Variants in FAAH2 observed in about 807,000 individuals in gnomAD.
FAAH2 encodes the protein fatty acid amide hydrolase 2, also known as fatty-acid amide hydrolase 2.
FAAH2 carries 60 observed loss-of-function variants against 36.9 expected under a neutral mutation model. The observed-to-expected ratio is 1.63, with a 90% CI of 1.32 to 2.02. The LOEUF (loss-of-function observed/expected upper bound fraction) is 2.02. Among genes scored for constraint, FAAH2 ranks in the 30% most tolerant of loss-of-function variants. FAAH2 has a pLI of 0.00. For missense variants in FAAH2, 689 were observed against 397.5 expected (o/e 1.73, Z -6.23); for synonymous variants, 214 against 143.8 (o/e 1.49, Z -3.49).
chrX:57,411,200 T>C (rs1402425707), intron 7 of FAAH2, among the ~76,000 whole-genome samples: 1 of 112,076 alleles, frequency 8.9e-6, no homozygotes, highest in African/African-American at 3.2e-5. Context: ...GAGTATTGTT[T>C]ACCTTCTCTC....
chrX:57,401,444 C>T (rs770854748), intron 7 of FAAH2, among the ~76,000 whole-genome samples: 1 of 111,760 alleles, frequency 8.9e-6, no homozygotes, highest in Non-Finnish European at 1.9e-5. Context: ...ACTCTGCTTC[C>T]TCTGACATTT....
rs996616506 is a variant in FAAH2, at chrX:57,310,856, G to C, written c.412+127G>C. Reference sequence around the variant, plus strand: ...TCATGCTGCTTCCTCAGTTTGAAATGAGAGGAAATATTCAGCAAGTTCCAT... The same window carrying C: ...TCATGCTGCTTCCTCAGTTTGAAATCAGAGGAAATATTCAGCAAGTTCCAT... On this transcript the variant is annotated intron_variant, in intron 3 of 10. Transcript: ENST00000374900. The C allele has an allele frequency of 9.6e-6, 7 of 728,257 alleles. No homozygotes were observed. In the African/African-American group the frequency reaches 1.3e-4, roughly 14 times the overall value. The allele number at this position is 728,257 out of a possible 1,213,427, so 60.0% of individuals were successfully genotyped here.
the FAAH2 span, among the ~76,000 whole-genome samples, chrX:57,233,796 C>A: frequency 2.7e-5 from 3 of 112,500 alleles, no homozygotes; most frequent in South Asian, 3.7e-4. Context: ...TGCGCCACCA[C>A]GCTGGCTAAT....
At chrX:57,392,528 A>G in intron 7 of FAAH2, 1 of 757,771 alleles carries the variant, frequency 1.3e-6, no homozygotes. Context: ...TTAGTTTCAG[A>G]TCTTCTGGGC....
Position 57,437,723 on chromosome X carries a change from ATAT to A in FAAH2, c.1116+5690_1116+5692del, listed in dbSNP as rs1168762973. 4.5e-3 allele frequency among the ~76,000 whole-genome samples: 375 copies of A among 83,019 alleles called. 1 individual carries two copies. Among genetic ancestry groups the A allele is most frequent in the East Asian group, 0.011 (30 of 2,688 alleles). 72.1% of individuals were successfully genotyped at this position (83,019 alleles called of 115,157 possible). On this transcript the variant is annotated intron_variant, in intron 8 of 10. Transcript: ENST00000374900. ...ACATATAAATATATAACATATTTAT[ATAT>A]TATATATTATATATATTATTTATAT...
At chrX:57,478,463 T>C (rs1323625508) in intron 10 of FAAH2, among the ~76,000 whole-genome samples, 1 of 111,944 alleles carries the variant, frequency 8.9e-6, no homozygotes, top group Non-Finnish European at 1.9e-5. Context: ...GATTGCAGTT[T>C]CTTTTGCTAA....
intron 5 of FAAH2, among the ~76,000 whole-genome samples, chrX:57,371,777 G>A (rs1025607231): frequency 9.0e-6 from 1 of 111,291 alleles, no homozygotes; most frequent in Admixed American, 9.5e-5. Flanking sequence ...TATCTGATAG[G>A]TTTTCACCAT....
intron 5 of FAAH2, among the ~76,000 whole-genome samples, chrX:57,352,931 A>C (rs1328368372): frequency 9.0e-6 from 1 of 110,637 alleles, no homozygotes; most frequent in Non-Finnish European, 1.9e-5. Context: ...AAAACTACAA[A>C]ACACAGATAA....
At chrX:57,323,370 A>G (rs974058093) in intron 3 of FAAH2, among the ~76,000 whole-genome samples, 1 of 111,504 alleles carries the variant, frequency 9.0e-6, no homozygotes, top group African/African-American at 3.3e-5. Context: ...GGCTGGGTCA[A>G]ATGGTATTTC....
chrX:57,303,933 G>A (rs571303572), intron 2 of FAAH2, among the ~76,000 whole-genome samples: 8 of 111,833 alleles, frequency 7.2e-5, no homozygotes, highest in South Asian at 3.7e-4. Context: ...CTGGCTGGGC[G>A]CGGTGGCTCA....
At chrX:57,344,378 G>T (rs1339672964) in intron 5 of FAAH2, among the ~76,000 whole-genome samples, 3 of 110,918 alleles carry the variant, frequency 2.7e-5, no homozygotes, top group East Asian at 2.8e-4. Flanking sequence ...TTGTAAATGG[G>T]ATTGCATTTT....
intron 5 of FAAH2, among the ~76,000 whole-genome samples, chrX:57,357,030 A>G (rs958567053): frequency 4.8e-4 from 53 of 111,137 alleles, no homozygotes; most frequent in East Asian, 5.6e-4. Flanking sequence ...ATGAGTGAAA[A>G]CATGTGATGT....
chrX:57,408,182 T>C (rs1452875633), intron 7 of FAAH2, among the ~76,000 whole-genome samples: 1 of 111,378 alleles, frequency 9.0e-6, no homozygotes, highest in Admixed American at 9.6e-5. Context: ...TTATCTTTTC[T>C]ATTTATGTAA....
In FAAH2 at chrX:57,395,359, C is replaced by A. The variant is rs182829128; in HGVS notation, c.996+14330C>A. On this transcript the variant is annotated intron_variant, in intron 7 of 10. Transcript: ENST00000374900. ...GAGTGACTTGATTCTTCAGTCTCGC[C>A]CTTATTTGTGCGGAGATCTCCTTCC... 1.5e-4 allele frequency: 104 copies of A among 691,795 alleles called. No homozygotes were observed. The East Asian group carries it at 3.9e-3, about 26-fold the overall frequency. The allele number at this position is 691,795 out of a possible 1,213,427, so 57.0% of individuals were successfully genotyped here.
At chrX:57,124,723 C>G in the FAAH2 span, among the ~76,000 whole-genome samples, 1 of 111,461 alleles carries the variant, frequency 9.0e-6, no homozygotes, top group Admixed American at 9.5e-5. Flanking sequence ...CCTTCACATC[C>G]CTTGTAAGTT....
At chrX:57,187,244 T>A in the FAAH2 span, among the ~76,000 whole-genome samples, 1 of 111,245 alleles carries the variant, frequency 9.0e-6, no homozygotes, top group Non-Finnish European at 1.9e-5. Context: ...TCTTGAGCAG[T>A]GGAGTGGTTT....
At chrX:57,282,537 C>T, upstream of FAAH2, among the ~76,000 whole-genome samples, 1 of 111,883 alleles carries the variant, frequency 8.9e-6, no homozygotes, top group Non-Finnish European at 1.9e-5. Flanking sequence ...TTCATTCTTT[C>T]TGTGTGGGTT....
the FAAH2 span, among the ~76,000 whole-genome samples, chrX:57,224,558 C>T: frequency 9.2e-3 from 1,028 of 111,297 alleles, 15 homozygotes; most frequent in African/African-American, 0.032. Context: ...CAGCAGCGTG[C>T]GCCGGCAAGA....
intron 2 of FAAH2, among the ~76,000 whole-genome samples, chrX:57,302,683 C>A (rs747193849): frequency 9.0e-6 from 1 of 111,273 alleles, no homozygotes; most frequent in Non-Finnish European, 1.9e-5. Flanking sequence ...ATTTCGCTCC[C>A]CTACCACTGG....
Sources: gnomAD v4.1 joint callset for allele counts (sites outside exome capture counted in the v4.1 genomes callset) on GRCh38, gnomAD v4.1.1 for gene constraint, MANE v1.5 for transcripts, NCBI Gene and HGNC (gene_info 2026-07-23, HGNC 2026-07-21) for gene names.